The following CAMTA1 variants were observed in gnomAD, a reference collection of about 807,000 sequenced individuals.
The protein encoded by CAMTA1 is calmodulin binding transcription activator 1, also known as calmodulin-binding transcription activator 1.
A neutral mutation model predicts 170.9 loss-of-function variants in CAMTA1; 27 were observed. The observed-to-expected ratio is 0.16, with a 90% CI of 0.12 to 0.22. CAMTA1 has a LOEUF of 0.22. CAMTA1 is among the 10% of genes least tolerant of loss of function. CAMTA1 has a pLI of 1.00. For synonymous variants in CAMTA1, 833 were observed against 891.5 expected (o/e 0.93, Z 1.17); for missense variants, 1,619 against 2,217.2 (o/e 0.73, Z 5.42).
chr1:7,207,235 C>T (rs779582404), intron 4 of CAMTA1, among the ~76,000 whole-genome samples: 4 of 152,160 alleles, frequency 2.6e-5, no homozygotes, highest in African/African-American at 4.8e-5. Flanking sequence ...CCCAGTTCCC[C>T]ACCACTCCTG....
rs531227896 is a variant in CAMTA1, at chr1:7,092,578, C to G, written c.302+1207C>G. ...CCTGAGAATGGGAGGAGAGTCTGTC[C>G]GCAGGAGTCCCCAAAACCTCAGCCT... On this transcript the variant is annotated intron_variant, in intron 4 of 22. Coordinates refer to ENST00000303635, the MANE Select transcript of CAMTA1 (RefSeq NM_015215.4). The surrounding 1 kb of genome is among the most constrained non-coding windows in gnomAD (Gnocchi z 5.0). Among the ~76,000 whole-genome samples the G allele has an allele frequency of 6.6e-6, 1 of 152,122 alleles. No homozygotes were observed. The highest frequency in any genetic ancestry group is 1.5e-5 in the Non-Finnish European group (1 of 68,024).
chr1:6,880,383 G>GTTTTTTTTTTTTT (rs34745856), intron 3 of CAMTA1, among the ~76,000 whole-genome samples: 2 of 67,206 alleles, frequency 3.0e-5, no homozygotes, highest in African/African-American at 6.1e-5. Flanking sequence ...CTCTAAAAGT[G>GTTTTTTTTTTTTT]TTTTTTTTTT....
In CAMTA1 at chr1:7,585,391, C is replaced by T. The variant is rs563605861; in HGVS notation, c.511-55009C>T. Among the ~76,000 whole-genome samples the T allele has an allele frequency of 1.3e-5, 2 of 152,214 alleles. No homozygotes were observed. The highest frequency in any genetic ancestry group is 1.9e-4 in the East Asian group (1 of 5,172). On this transcript the variant is annotated intron_variant, in intron 6 of 22. Transcript: ENST00000303635. This position sits in a 1 kb window ranked among gnomAD's most constrained non-coding sequence, Gnocchi z 4.8. ...CAGATCTAGGGAATGGCAGTCCTAA[C>T]AGAGGGAAGAGTATGTGCAAAGGCC... is the stretch of plus-strand genomic sequence containing the variant.
chr1:7,217,953 G>T (rs1374301514), intron 4 of CAMTA1, among the ~76,000 whole-genome samples: 1 of 152,166 alleles, frequency 6.6e-6, no homozygotes, highest in African/African-American at 2.4e-5. Context: ...AGAGTCCCTA[G>T]TCATCTCCTG....
At chr1:7,505,077 C>T (rs897330435) in intron 6 of CAMTA1, among the ~76,000 whole-genome samples, 9 of 152,182 alleles carry the variant, frequency 5.9e-5, no homozygotes, top group Admixed American at 3.9e-4. Flanking sequence ...TTCAGTGTAG[C>T]GCACAGCCTC....
Position 7,511,152 on chromosome 1 carries a change from C to T in CAMTA1, c.510+43251C>T, listed in dbSNP as rs1441491516. On this transcript the variant is annotated intron_variant, in intron 6 of 22. Coordinates refer to ENST00000303635, the MANE Select transcript of CAMTA1 (RefSeq NM_015215.4). ...ACTGTGCCTACGAGCATTTCCAACC[C>T]CCTTCCCAATTAGCAGGGCACCTTG... Among the ~76,000 whole-genome samples, 4 of 145,498 alleles carry T rather than the reference C, an allele frequency of 2.7e-5. 2 individuals carry two copies. The highest frequency in any genetic ancestry group is 6.2e-5 in the Non-Finnish European group (4 of 64,922).
At chr1:6,855,789 A>G (rs1662099462) in intron 3 of CAMTA1, among the ~76,000 whole-genome samples, 1 of 152,210 alleles carries the variant, frequency 6.6e-6, no homozygotes, top group African/African-American at 2.4e-5. Context: ...ATTGTAAAGA[A>G]TATGAAAATA....
intron 4 of CAMTA1, among the ~76,000 whole-genome samples, chr1:7,106,012 T>A (rs564367020): frequency 6.6e-6 from 1 of 152,322 alleles, no homozygotes; most frequent in African/African-American, 2.4e-5. Flanking sequence ...ATGCTCTTAG[T>A]CAAGGGTTAA....
intron 5 of CAMTA1, among the ~76,000 whole-genome samples, chr1:7,447,944 C>T (rs1575385174): frequency 6.6e-6 from 1 of 152,262 alleles, no homozygotes; most frequent in African/African-American, 2.4e-5. Context: ...CAGGTTTACA[C>T]CCAGGTTGGT....
At chr1:7,544,759 C>G (rs949270537) in intron 6 of CAMTA1, among the ~76,000 whole-genome samples, 2 of 152,178 alleles carry the variant, frequency 1.3e-5, no homozygotes, top group Admixed American at 6.5e-5. Context: ...GCAGCTTCCA[C>G]TCATGGTGGA....
At chr1:7,151,555 A>G (rs1427940540) in intron 4 of CAMTA1, among the ~76,000 whole-genome samples, 2 of 152,044 alleles carry the variant, frequency 1.3e-5, no homozygotes, top group Non-Finnish European at 2.9e-5. Flanking sequence ...TTGGCACAGC[A>G]TCTAAGCCCT....
rs762063758 is a variant in CAMTA1, at chr1:7,737,430, A to T, written c.3518A>T (p.Gln1173Leu). 3.7e-6 allele frequency: 6 copies of T among 1,614,060 alleles called. No homozygotes were observed. The African/African-American group carries it at 8.0e-5, about 22-fold the overall frequency. The change falls in exon 15 of 23, where the codon CAG (glutamine) becomes CTG (leucine). Residue 1173 changes from glutamine (Q) to leucine (L), a missense_variant. This residue lies in a region of CAMTA1 where 370 missense variants were observed against 429.4 expected (regional missense o/e 0.86). Coordinates refer to ENST00000303635, the MANE Select transcript of CAMTA1 (RefSeq NM_015215.4). ...LEHLQRDEQA[Q>L]LGQNPRIHCP... ...CACCTGCAGAGAGATGAGCAGGCTC[A>T]GCTGGGACAGAACCCCAGAATCCAC...
chr1:7,008,578 C>T (rs903605326), intron 3 of CAMTA1: 1 of 152,096 alleles, frequency 6.6e-6, no homozygotes, highest in African/African-American at 2.4e-5. Flanking sequence ...GTGCCAGGGG[C>T]CTGGGGCGCA....
At chr1:6,986,173 C>T (rs896588853) in intron 3 of CAMTA1, among the ~76,000 whole-genome samples, 12 of 152,198 alleles carry the variant, frequency 7.9e-5, no homozygotes, top group African/African-American at 2.9e-4. Flanking sequence ...CAGATTTGGG[C>T]TCCATCCGTC....
chr1:7,464,585 G>A (rs2093167009), intron 5 of CAMTA1, among the ~76,000 whole-genome samples: 1 of 152,130 alleles, frequency 6.6e-6, no homozygotes, highest in Non-Finnish European at 1.5e-5. Flanking sequence ...AGGGTGGTTT[G>A]GGCCAAGGGG....
rs2096895792 is a variant in CAMTA1 at position 7,751,343 on chromosome 1, A to G, written c.4834A>G (p.Lys1612Glu). Residue 1612 changes from lysine to glutamate, a missense_variant, in exon 20 of 23, where the codon AAA (lysine) becomes GAA (glutamate). By Grantham distance (56) the Lys-to-Glu change is moderately conservative (BLOSUM62 1). This residue lies in a region of CAMTA1 where 128 missense variants were observed against 213.5 expected (regional missense o/e 0.60). Coordinates refer to ENST00000303635, the MANE Select transcript of CAMTA1 (RefSeq NM_015215.4). ...KYYRSYKKCG[K>E]RRQARRTAVI... is the part of the protein sequence containing the mutation. ...CTACCGAAGTTATAAGAAATGTGGC[A>G]AAAGACGGCAGGCTCGCCGGACGGC... 6.2e-7 allele frequency: 1 copy of G among 1,610,996 alleles called. No homozygotes were observed. The highest frequency in any genetic ancestry group is 1.1e-5 in the South Asian group (1 of 90,542).
intron 3 of CAMTA1, among the ~76,000 whole-genome samples, chr1:6,973,762 A>G (rs1042589505): frequency 6.6e-6 from 1 of 152,142 alleles, no homozygotes; most frequent in Non-Finnish European, 1.5e-5. Flanking sequence ...CCTCACCTGG[A>G]CCGTGGCATT....
chr1:7,765,104 A>C (rs2150328301), intron 22 of CAMTA1, among the ~76,000 whole-genome samples: 1 of 152,326 alleles, frequency 6.6e-6, no homozygotes, highest in East Asian at 1.9e-4. Context: ...CTGTTGCAGT[A>C]GAGTATGGTG....
chr1:7,225,333 C>T (rs1274453249), intron 4 of CAMTA1, among the ~76,000 whole-genome samples: 1 of 152,146 alleles, frequency 6.6e-6, no homozygotes, highest in Non-Finnish European at 1.5e-5. Flanking sequence ...ATCCGCCTGC[C>T]TCGGCCTCCT....
Sources: gnomAD v4.1 joint callset for allele counts (sites outside exome capture counted in the v4.1 genomes callset) on GRCh38, gnomAD v4.1.1 for gene constraint, gnomAD v4.1.1 regional missense constraint, Gnocchi (gnomAD v3.1) non-coding constraint, MANE v1.5 for transcripts, NCBI Gene and HGNC (gene_info 2026-07-23, HGNC 2026-07-21) for gene names.